The following TIAL1 variants were observed in gnomAD, a reference collection of about 807,000 sequenced individuals.
The protein encoded by TIAL1 is nucleolysin TIAR.
Under a neutral mutation model 59.7 loss-of-function variants are expected in TIAL1, and 7 were observed. The ratio of observed to expected loss-of-function variants is 0.12; its 90% CI spans 0.07 to 0.22. TIAL1 has a LOEUF of 0.22. Ranked by LOEUF, TIAL1 falls within the 10% of genes least tolerant of loss-of-function variation. The pLI is 1.00. For synonymous variants in TIAL1, 149 were observed against 146.3 expected (o/e 1.02, Z -0.13); for missense variants, 225 against 462.5 (o/e 0.49, Z 4.71).
At chr10:119,595,437 TA>T (rs3064561) in intron 1 of TIAL1, among the ~76,000 whole-genome samples, 1,451 of 139,732 alleles carry the variant, frequency 0.01, 9 homozygotes, top group Middle Eastern at 0.026. Context: ...TATTCAGACT[TA>T]AAAAAAAAAA....
At position 119,573,936 on chromosome 10, in the gene TIAL1, A is replaced by T. The variant is rs866873938; in HGVS notation, c.*1729T>A. On this transcript the variant is annotated 3_prime_UTR_variant, in exon 12 of 12. Coordinates refer to ENST00000436547, the MANE Select transcript of TIAL1 (RefSeq NM_003252.4). ...GGAAAAGGAGGAAAGTAATACCAAA[A>T]TTATTGTGACCACCAATTTATAAAA... is the stretch of plus-strand genomic sequence containing the variant. 1 of 152,382 alleles carries T rather than the reference A, an allele frequency of 6.6e-6. No homozygotes were observed. Among genetic ancestry groups the T allele is most frequent in the African/African-American group, 2.4e-5 (1 of 41,458 alleles). 9.4% of individuals were successfully genotyped at this position (152,382 alleles called of 1,614,324 possible).
chr10:119,580,745 TAAG>T, intron 5 of TIAL1: 2 of 1,052,100 alleles, frequency 1.9e-6, no homozygotes, highest in African/African-American at 1.7e-5. Context: ...TAATGTATAA[TAAG>T]AATAAATAGA....
chr10:119,596,718 C>T lies in TIAL1; in HGVS notation c.-253G>A. 1 of 556,064 alleles carries T rather than the reference C, an allele frequency of 1.8e-6. No individual in the cohort carries two copies. The highest frequency in any genetic ancestry group is 3.2e-6 in the Non-Finnish European group (1 of 311,100). 34.4% of individuals were successfully genotyped at this position (556,064 alleles called of 1,614,324 possible). On this transcript the variant is annotated 5_prime_UTR_variant, in exon 1 of 12. Transcript: ENST00000436547. ...GGCAGGAAACAGGGCAGAGCGCAGG[C>T]GCGACCCGCCAGGTCACCGCTCAGG... is the stretch of plus-strand genomic sequence containing the variant.
chr10:119,577,822 G>T, intron 7 of TIAL1, 86 bp from the exon 8 acceptor site: 1 of 1,225,706 alleles, frequency 8.2e-7, no homozygotes, highest in Non-Finnish European at 1.2e-6. Flanking sequence ...ATTAAGATAT[G>T]CCTCAGGCCG....
In TIAL1 at chr10:119,581,143, T is replaced by C. The variant is rs185902917; in HGVS notation, c.371+779A>G. Among the ~76,000 whole-genome samples the C allele has an allele frequency of 8.5e-4, 130 of 152,188 alleles. 1 individual carries two copies. Among genetic ancestry groups the C allele is most frequent in the East Asian group, 7.7e-4 (4 of 5,196 alleles). Reference sequence around the variant, plus strand: ...TAAAGTAGTACTAAGATGTTTAATTTAAATCTACAGGAAATATACAAAATA... The same window carrying C: ...TAAAGTAGTACTAAGATGTTTAATTCAAATCTACAGGAAATATACAAAATA... On this transcript the variant is annotated intron_variant, in intron 5 of 11. Transcript: ENST00000436547.
intron 1 of TIAL1, 68 bp from the exon 2 acceptor site, chr10:119,588,316 A>C: frequency 2.3e-6 from 2 of 873,246 alleles, no homozygotes; most frequent in Non-Finnish European, 3.5e-6. Flanking sequence ...GTTATCATCT[A>C]ATTCATCACC....
In TIAL1 at chr10:119,575,706, TAGG is replaced by T; in HGVS notation, c.1084_1086del (p.Pro362del). On this transcript the variant is annotated inframe_deletion, in exon 12 of 12. Transcript: ENST00000436547. Reference sequence around the variant, plus strand: ...CTTGCCATACCATATCCGGCTTGGTTAGGAGGAGGTATTACAGGGGGAGGAGCT... The same window carrying T: ...CTTGCCATACCATATCCGGCTTGGTTAGGAGGTATTACAGGGGGAGGAGCT... The T allele has an allele frequency of 2.5e-6, 4 of 1,612,526 alleles. No individual in the cohort carries two copies. The highest frequency in any genetic ancestry group is 1.1e-5 in the South Asian group (1 of 91,006).
rs980009549 is a variant in TIAL1, at chr10:119,574,118, GCT to G, written c.*1545_*1546del. 1.3e-4 allele frequency: 20 copies of G among 152,540 alleles called. No homozygotes were observed. Among genetic ancestry groups the G allele is most frequent in the Admixed American group, 2.0e-4 (3 of 15,274 alleles). The allele number at this position is 152,540 out of a possible 1,614,324, so 9.4% of individuals were successfully genotyped here. A position where few individuals can be genotyped will look rare whatever the true frequency, so the allele number is the denominator to read the frequency against. On this transcript the variant is annotated 3_prime_UTR_variant, in exon 12 of 12. Coordinates refer to ENST00000436547, the MANE Select transcript of TIAL1 (RefSeq NM_003252.4). The stretch of plus-strand genomic sequence containing the variant: ...ATTGCCAAAACATTTGCACTCCCTA[GCT>G]CTGACAATTCAAATACATAGGATTT...
intron 1 of TIAL1, among the ~76,000 whole-genome samples, chr10:119,595,874 G>A (rs978919717): frequency 6.6e-6 from 1 of 152,218 alleles, no homozygotes; most frequent in African/African-American, 2.4e-5. Context: ...CAGCGTGGGC[G>A]GGGGCACGTG....
rs1368747996 is a variant in TIAL1, at chr10:119,573,734, CAA to C, written c.*1929_*1930del. The C allele has an allele frequency of 6.6e-6, 1 of 152,270 alleles. No individual in the cohort carries two copies. The highest frequency in any genetic ancestry group is 1.5e-5 in the Non-Finnish European group (1 of 68,000). 9.4% of individuals were successfully genotyped at this position (152,270 alleles called of 1,614,324 possible). A position where few individuals can be genotyped will look rare whatever the true frequency, so the allele number is the denominator to read the frequency against. On this transcript the variant is annotated 3_prime_UTR_variant, in exon 12 of 12. Transcript: ENST00000436547. ...CCTATAAAATATAAATTAACTTTTC[CAA>C]AAACATTCCTCAAAGATACTATAAA... is the stretch of plus-strand genomic sequence containing the variant.
At position 119,575,804 on chromosome 10, in the gene TIAL1, A is replaced by G. The variant is rs779873600; in HGVS notation, c.1002-13T>C. 1 of 1,528,064 alleles carries G rather than the reference A, an allele frequency of 6.5e-7. No homozygotes were observed. The highest frequency in any genetic ancestry group is 1.8e-4 in the Middle Eastern group (1 of 5,700). 94.7% of individuals were successfully genotyped at this position (1,528,064 alleles called of 1,614,324 possible). On this transcript the variant is annotated splice_polypyrimidine_tract_variant and intron_variant, in intron 11 of 11. Coordinates refer to ENST00000436547, the MANE Select transcript of TIAL1 (RefSeq NM_003252.4). ...AGAAGGTGATTGACTTGGAAGAAAA[A>G]GAAAAAATCTTCAGCAAACACAAGA... is the stretch of plus-strand genomic sequence containing the variant.
intron 1 of TIAL1, chr10:119,592,106 T>C (rs1328202327): frequency 6.6e-6 from 1 of 152,224 alleles, no homozygotes; most frequent in Admixed American, 6.5e-5. Flanking sequence ...TCTTTAAATA[T>C]ATAATTGCTA....
rs551374284 is a variant in TIAL1 at position 119,593,204 on chromosome 10, C to CACA, written c.32+3229_32+3230insTGT. Among the ~76,000 whole-genome samples the CACA allele has an allele frequency of 2.8e-4, 42 of 152,340 alleles. No individual in the cohort carries two copies. The South Asian group carries it at 8.7e-3, about 32-fold the overall frequency. On this transcript the variant is annotated intron_variant, in intron 1 of 11. Coordinates refer to ENST00000436547, the MANE Select transcript of TIAL1 (RefSeq NM_003252.4). ...AATGTGTGTCCCACAAGGCAGGTGTCAGACAGTCCAGTTCCAACACCAGTA... is the reference window on the plus strand; with the variant it reads ...AATGTGTGTCCCACAAGGCAGGTGTCACAAGACAGTCCAGTTCCAACACCAGTA...
In TIAL1 at chr10:119,588,181, G is replaced by A. The variant is rs773108976; in HGVS notation, c.100C>T (p.Pro34Ser). ...GTTATCATTTTACAGCTTTTACAGG[G>A]TCCAATCTGACTGAACAACTGAAGT... is the stretch of plus-strand genomic sequence containing the variant. The part of the protein sequence containing the change: ...LILQLFSQIG[P>S]CKSCKMITEH... The change falls in exon 2 of 12, where the codon CCC becomes TCC. Residue 34 changes from proline to serine, a missense_variant. Physicochemically the swap from Pro to Ser is moderately conservative, Grantham distance 74. This residue lies in a region of TIAL1 where 39 missense variants were observed against 59.5 expected (regional missense o/e 0.66). Transcript: ENST00000436547. 2.5e-6 allele frequency: 4 copies of A among 1,599,016 alleles called. No individual in the cohort carries two copies. The highest frequency in any genetic ancestry group is 3.4e-6 in the Non-Finnish European group (4 of 1,171,292).
intron 1 of TIAL1, chr10:119,593,599 A>G (rs1845997839): frequency 1.6e-6 from 1 of 611,476 alleles, no homozygotes; most frequent in Admixed American, 6.3e-5. Context: ...CATTCTTTTA[A>G]AACATACTGG....
Position 119,589,682 on chromosome 10 carries a change from T to A in TIAL1, c.33-1434A>T, listed in dbSNP as rs553658112. Among the ~76,000 whole-genome samples, 8 of 152,238 alleles carry A rather than the reference T, an allele frequency of 5.3e-5. No individual in the cohort carries two copies. The East Asian group carries it at 1.5e-3, about 29-fold the overall frequency. Reference sequence around the variant, plus strand: ...GTAAAAGATTTTAAATACAGGAAAGTTTAAAAAAGAAAAGAAAAAAATGCT... The same window carrying A: ...GTAAAAGATTTTAAATACAGGAAAGATTAAAAAAGAAAAGAAAAAAATGCT... On this transcript the variant is annotated intron_variant, in intron 1 of 11. Coordinates refer to ENST00000436547, the MANE Select transcript of TIAL1 (RefSeq NM_003252.4).
chr10:119,575,318 T>C lies in TIAL1; in HGVS notation c.*347A>G, dbSNP rs2133982909. On this transcript the variant is annotated 3_prime_UTR_variant, in exon 12 of 12. Transcript: ENST00000436547. ...TTGCTCTTTTAAAAACACAGTGAGT[T>C]AAAATACTGAACAGCAAGATAAAAA... The C allele has an allele frequency of 5.1e-6, 1 of 197,012 alleles. No individual in the cohort carries two copies. Among genetic ancestry groups the C allele is most frequent in the Non-Finnish European group, 1.1e-5 (1 of 95,224 alleles). 12.2% of individuals were successfully genotyped at this position (197,012 alleles called of 1,614,324 possible). A position where few individuals can be genotyped will look rare whatever the true frequency, so the allele number is the denominator to read the frequency against.
intron 1 of TIAL1, among the ~76,000 whole-genome samples, chr10:119,590,537 C>G (rs1406581782): frequency 1.3e-5 from 2 of 152,010 alleles, no homozygotes; most frequent in Admixed American, 6.5e-5. Flanking sequence ...TGGTGAAACC[C>G]TGTCTCCACA....
chr10:119,596,032 G>A lies in TIAL1; in HGVS notation c.32+402C>T, dbSNP rs1448399048. Among the ~76,000 whole-genome samples, 33 of 116,292 alleles carry A rather than the reference G, an allele frequency of 2.8e-4. No homozygotes were observed. In the East Asian group the frequency reaches 7.1e-3, roughly 25 times the overall value. 76.3% of individuals were successfully genotyped at this position (116,292 alleles called of 152,430 possible). ...CTCAGGGCCCGCGGGGCCCACCCCC[G>A]GGCCCACCCCCAATCCTACCCCCGC... On this transcript the variant is annotated intron_variant, in intron 1 of 11. Transcript: ENST00000436547.
Sources: allele counts gnomAD v4.1 joint callset (sites outside exome capture counted in the v4.1 genomes callset), GRCh38; gene constraint gnomAD v4.1.1; regional missense constraint gnomAD v4.1.1; transcripts MANE v1.5; gene names NCBI Gene and HGNC (gene_info 2026-07-23, HGNC 2026-07-21).